ZNF600: variants seen among roughly 807,000 people sequenced by gnomAD.
ZNF600 encodes the protein zinc finger protein KR-ZNF1.
ZNF600 carries 4 observed loss-of-function variants against 7.3 expected under a neutral mutation model. The observed-to-expected ratio is 0.55, with a 90% CI of 0.27 to 1.25. ZNF600 has a LOEUF of 1.25. ZNF600 is among the 50% of genes most tolerant of loss of function. The probability of loss-of-function intolerance (pLI) is 0.12; values close to 1 mark genes in which losing one functional copy is unlikely to be tolerated. For synonymous variants in ZNF600, 290 were observed against 308.9 expected (o/e 0.94, Z 0.64); for missense variants, 911 against 922.1 (o/e 0.99, Z 0.16).
At chr19:52,777,085 A>G (rs748392257) in intron 2 of ZNF600, among the ~76,000 whole-genome samples, 38 of 152,282 alleles carry the variant, frequency 2.5e-4, no homozygotes, top group Middle Eastern at 3.4e-3. Context: ...CAAGTCATTA[A>G]AAGTGCAGAG....
At chr19:52,811,119 C>T in the ZNF600 span, among the ~76,000 whole-genome samples, 2 of 150,484 alleles carry the variant, frequency 1.3e-5, no homozygotes, top group East Asian at 2.0e-4. Context: ...GTCTCCAGCT[C>T]CTAACCACGA....
At chr19:52,828,255 T>C in the ZNF600 span, among the ~76,000 whole-genome samples, 2 of 151,996 alleles carry the variant, frequency 1.3e-5, no homozygotes, top group Admixed American at 6.6e-5. Flanking sequence ...TTTCACCATG[T>C]AGGCCAGGCT....
upstream of ZNF600, among the ~76,000 whole-genome samples, chr19:52,788,780 T>C (rs2147598995): frequency 6.6e-6 from 1 of 152,258 alleles, no homozygotes; most frequent in Admixed American, 6.5e-5. Context: ...TGATGTTCAA[T>C]GCTGGAGACA....
the ZNF600 span, among the ~76,000 whole-genome samples, chr19:52,793,460 GC>G: frequency 6.6e-6 from 1 of 152,208 alleles, no homozygotes; most frequent in Non-Finnish European, 1.5e-5. Context: ...TCAAGTGAAG[GC>G]CCTGGGACAG....
At chr19:52,809,154 A>G in the ZNF600 span, among the ~76,000 whole-genome samples, 1 of 152,194 alleles carries the variant, frequency 6.6e-6, no homozygotes, top group Non-Finnish European at 1.5e-5. Flanking sequence ...GGCAGGGGGA[A>G]TCTTGTCAGA....
chr19:52,801,016 C>T, the ZNF600 span: 4 of 1,614,004 alleles, frequency 2.5e-6, no homozygotes, highest in East Asian at 6.7e-5. Context: ...AAGATCTTGC[C>T]ACACTCATTA....
intron 1 of ZNF600, among the ~76,000 whole-genome samples, chr19:52,782,768 C>T (rs1001687585): frequency 3.3e-5 from 5 of 151,700 alleles, no homozygotes; most frequent in South Asian, 4.2e-4. Context: ...CCCAGCTGCT[C>T]GGGAGGCTGA....
the ZNF600 span, chr19:52,807,753 G>A: frequency 1.7e-6 from 1 of 600,892 alleles, no homozygotes; most frequent in Non-Finnish European, 2.7e-6. Context: ...GGGATAACAG[G>A]CGTGAGCCAC....
At chr19:52,766,762 A>G in exon 4 of ZNF600, 4 of 1,614,024 alleles carry the variant, frequency 2.5e-6, no homozygotes, top group Non-Finnish European at 3.4e-6. Flanking sequence ...CAAACCTTAC[A>G]TTTGTATGGT....
chr19:52,778,869 G>A, exon 2 of ZNF600: 1 of 1,606,640 alleles, frequency 6.2e-7, no homozygotes, highest in Non-Finnish European at 8.5e-7. Flanking sequence ...CCTCTTCTGA[G>A]CTGCTTCTTC....
chr19:52,807,923 G>T, the ZNF600 span: 2 of 1,590,438 alleles, frequency 1.3e-6, no homozygotes, highest in Non-Finnish European at 1.7e-6. Context: ...TTCCATTTTA[G>T]TCAAGTAAGG....
At chr19:52,813,095 G>A in the ZNF600 span, among the ~76,000 whole-genome samples, 1 of 151,832 alleles carries the variant, frequency 6.6e-6, no homozygotes, top group African/African-American at 2.4e-5. Context: ...TGGTAATCTT[G>A]GTTAATGCTT....
chr19:52,767,000 G>C, exon 4 of ZNF600: 1 of 1,614,084 alleles, frequency 6.2e-7, no homozygotes, highest in Non-Finnish European at 8.5e-7. Context: ...CAAAGATCTT[G>C]CCACACTCAT....
At chr19:52,813,264 A>AAAAAAAAAAAG in the ZNF600 span, among the ~76,000 whole-genome samples, 1 of 149,126 alleles carries the variant, frequency 6.7e-6, no homozygotes. Context: ...AAAAAAAAAA[A>AAAAAAAAAAAG]AAAAAAAGAC....
intron 1 of ZNF600, among the ~76,000 whole-genome samples, chr19:52,783,506 C>A (rs1046319423): frequency 1.3e-5 from 2 of 151,948 alleles, no homozygotes; most frequent in Non-Finnish European, 2.9e-5. Context: ...GGACTACAGG[C>A]GCCCGCCACC....
chr19:52,794,724 G>A, the ZNF600 span, among the ~76,000 whole-genome samples: 1 of 152,166 alleles, frequency 6.6e-6, no homozygotes, highest in Admixed American at 6.5e-5. Flanking sequence ...GTCTGGTGGT[G>A]TGCATCTGTG....
At chr19:52,813,975 A>T in the ZNF600 span, among the ~76,000 whole-genome samples, 2 of 146,188 alleles carry the variant, frequency 1.4e-5, no homozygotes, top group African/African-American at 2.7e-5. Flanking sequence ...ATTTTTTTTA[A>T]TATGTGTCAT....
At chr19:52,811,156 G>C in the ZNF600 span, among the ~76,000 whole-genome samples, 2 of 150,840 alleles carry the variant, frequency 1.3e-5, no homozygotes, top group African/African-American at 4.9e-5. Flanking sequence ...GGCCTCCCGA[G>C]GTGCCGGGAT....
At chr19:52,777,960 C>CT (rs1436016146) in intron 2 of ZNF600, among the ~76,000 whole-genome samples, 1 of 152,162 alleles carries the variant, frequency 6.6e-6, no homozygotes, top group Non-Finnish European at 1.5e-5. Flanking sequence ...GCTGTAAACT[C>CT]TGAATTGTAC....
Sources: gnomAD v4.1 joint callset for allele counts (sites outside exome capture counted in the v4.1 genomes callset) on GRCh38, gnomAD v4.1.1 for gene constraint, MANE v1.5 for transcripts, NCBI Gene and HGNC (gene_info 2026-07-23, HGNC 2026-07-21) for gene names.